The following TIMELESS variants were observed in gnomAD, a reference collection of about 807,000 sequenced individuals.
The protein encoded by TIMELESS is protein timeless homolog.
A neutral mutation model predicts 164.3 loss-of-function variants in TIMELESS; 124 were observed. The ratio of observed to expected loss-of-function variants is 0.75; its 90% CI spans 0.65 to 0.88. TIMELESS has a LOEUF of 0.88. Among genes scored for constraint, TIMELESS ranks in the 40% least tolerant of loss-of-function variants. TIMELESS has a pLI of 0.00. For synonymous variants in TIMELESS, 564 were observed against 563.4 expected (o/e 1.00, Z -0.02); for missense variants, 1,422 against 1,491.4 (o/e 0.95, Z 0.77).
chr12:56,419,506 G>A (rs1881384843), intron 26 of TIMELESS, among the ~76,000 whole-genome samples: 2 of 150,226 alleles, frequency 1.3e-5, no homozygotes, highest in Admixed American at 6.6e-5. Context: ...GTGCACGGTT[G>A]CAGCCTTCCA....
At position 56,421,730 on chromosome 12, in the gene TIMELESS, C is replaced by G. The variant is rs2136133243; in HGVS notation, c.2722G>C (p.Asp908His). 11 of 1,614,132 alleles carry G rather than the reference C, an allele frequency of 6.8e-6. No individual in the cohort carries two copies. The highest frequency in any genetic ancestry group is 9.3e-6 in the Non-Finnish European group (11 of 1,179,992). ...QRLFEEFRDS[D>H]DVLGHIMKNI... ...CCTGAGTTTCCAGCTTACTCACCATCTGAGTCCCGGAATTCCTCAAAAAGC... is the reference window on the plus strand; with the variant it reads ...CCTGAGTTTCCAGCTTACTCACCATGTGAGTCCCGGAATTCCTCAAAAAGC... The change falls in exon 22 of 29, where the codon GAT becomes CAT. Residue 908 changes from aspartate (D) to histidine (H), a missense_variant. Transcript: ENST00000553532.
chr12:56,420,929 C>T, intron 24 of TIMELESS, 34 bp downstream of exon 24: 2 of 1,614,092 alleles, frequency 1.2e-6, no homozygotes, highest in South Asian at 2.2e-5. Flanking sequence ...CCAAGCCCTC[C>T]ACCTGAGACA....
intron 13 of TIMELESS, among the ~76,000 whole-genome samples, chr12:56,426,191 T>C (rs1451428413): frequency 6.6e-6 from 1 of 152,186 alleles, no homozygotes; most frequent in Non-Finnish European, 1.5e-5. Context: ...CATGAAAACG[T>C]CAGCACAGTG....
chr12:56,440,612 T>C (rs1315289961), intron 1 of TIMELESS, among the ~76,000 whole-genome samples: 1 of 152,162 alleles, frequency 6.6e-6, no homozygotes. Flanking sequence ...ACTAAATCTC[T>C]TTCCTTATCA....
chr12:56,423,835 A>AGAAATGTT lies in TIMELESS; in HGVS notation c.1927_1928insAACATTTC (p.Ile643LysfsTer7). On this transcript the variant is annotated frameshift_variant, in exon 16 of 29. Transcript: ENST00000553532. LOFTEE classifies it high-confidence loss of function. The stretch of plus-strand genomic sequence containing the variant: ...AGAGAGGATTTGTTTCAGCAACTGG[A>AGAAATGTT]TCTCTTCCTCTGGAGAAATGTCTTG... 6.2e-7 allele frequency: 1 copy of AGAAATGTT among 1,614,146 alleles called. No homozygotes were observed. The highest frequency in any genetic ancestry group is 8.5e-7 in the Non-Finnish European group (1 of 1,180,024).
intron 23 of TIMELESS, 24 bp from the exon 24 acceptor site, chr12:56,421,158 G>A (rs879149828): frequency 1.2e-6 from 2 of 1,613,072 alleles, no homozygotes; most frequent in Non-Finnish European, 1.7e-6. Context: ...GGGGTTGGGG[G>A]AATGAAAATG....
At chr12:56,436,552 G>A (rs1335283156) in intron 1 of TIMELESS, among the ~76,000 whole-genome samples, 2 of 152,170 alleles carry the variant, frequency 1.3e-5, no homozygotes. Flanking sequence ...GCTAACCATC[G>A]TGTGATTGAT....
At chr12:56,435,033 G>GT (rs1178023501) in intron 1 of TIMELESS, among the ~76,000 whole-genome samples, 2 of 152,010 alleles carry the variant, frequency 1.3e-5, no homozygotes, top group East Asian at 3.9e-4. Flanking sequence ...CAGAGTCTCT[G>GT]GAAAAAATAA....
intron 1 of TIMELESS, among the ~76,000 whole-genome samples, chr12:56,437,731 G>A (rs943905543): frequency 6.6e-6 from 1 of 152,112 alleles, no homozygotes; most frequent in African/African-American, 2.4e-5. Context: ...CCAGCAAGGG[G>A]CAGCTCTTCA....
chr12:56,421,443 G>A lies in TIMELESS; in HGVS notation c.2776C>T (p.Arg926Ter), dbSNP rs756089942. ...AGAGCCAAGAGTTTATCCACTATTC[G>A]GGCCCGTGAGCGTTTGGCTGTGATA... is the stretch of plus-strand genomic sequence containing the variant. ...KNITAKRSRA[R>*]IVDKLLALGL... The change falls in exon 23 of 29, where the codon CGA becomes TGA. Residue 926 changes from arginine to a stop codon, truncating the protein, a stop_gained. Transcript: ENST00000553532. LOFTEE classifies it high-confidence loss of function. 1.1e-5 allele frequency: 17 copies of A among 1,613,900 alleles called. No individual in the cohort carries two copies. The highest frequency in any genetic ancestry group is 6.6e-5 in the South Asian group (6 of 91,070).
chr12:56,418,465 GT>G (rs1002668540), intron 26 of TIMELESS, 106 bp from the exon 27 acceptor site: 50 of 763,474 alleles, frequency 6.5e-5, no homozygotes, highest in Non-Finnish European at 2.8e-5. Flanking sequence ...ATCCACAAGG[GT>G]TGTGAACTCT....
Position 56,418,286 on chromosome 12 carries a change from G to A in TIMELESS, c.3302C>T (p.Pro1101Leu), listed in dbSNP as rs762210742. 1.4e-5 allele frequency: 22 copies of A among 1,614,134 alleles called. No homozygotes were observed. Among genetic ancestry groups the A allele is most frequent in the Non-Finnish European group, 5.9e-6 (7 of 1,180,014 alleles). Residue 1101 changes from proline to leucine, a missense_variant, in exon 27 of 29, where the codon CCA becomes CTA. Pro to Leu is a moderately conservative substitution (Grantham distance 98, BLOSUM62 -3). Coordinates refer to ENST00000553532, the MANE Select transcript of TIMELESS (RefSeq NM_003920.5). ...TGGCTGCAGCTTCTGTTCCTCCTCT[G>A]GTTGACTCAAAGAAGCTGCTGCCCT... The part of the protein sequence containing the change: ...LRRAAASLSQ[P>L]EEEQKLQPEL...
intron 13 of TIMELESS, among the ~76,000 whole-genome samples, chr12:56,425,942 C>T (rs1358149991): frequency 1.3e-5 from 2 of 151,794 alleles, no homozygotes; most frequent in Non-Finnish European, 2.9e-5. Flanking sequence ...TACCCAAATC[C>T]TGCTTCTCCC....
At chr12:56,433,159 C>G in intron 5 of TIMELESS, 32 bp from the exon 6 acceptor site, 1 of 1,601,836 alleles carries the variant, frequency 6.2e-7, no homozygotes, top group African/African-American at 1.3e-5. Flanking sequence ...GAAGAGACTC[C>G]CTGTGGAAGG....
At chr12:56,431,354 CA>C (rs11366728) in intron 8 of TIMELESS, 116 bp downstream of exon 8, 144,306 of 808,396 alleles carry the variant, frequency 0.18, 1,090 homozygotes, top group African/African-American at 0.3. Context: ...AATTCTGTCT[CA>C]AAAAAAAAAA....
In TIMELESS at chr12:56,426,448, G is replaced by A. The variant is rs771100738; in HGVS notation, c.1579-1296C>T. Among the ~76,000 whole-genome samples the A allele has an allele frequency of 8.2e-5, 12 of 147,084 alleles. 1 individual carries two copies. In the Middle Eastern group the frequency reaches 0.022, roughly 265 times the overall value. On this transcript the variant is annotated intron_variant, in intron 13 of 28. Coordinates refer to ENST00000553532, the MANE Select transcript of TIMELESS (RefSeq NM_003920.5). ...GTTGCCCAGGCTGGAGTGCAATGGC[G>A]TGATCTCGGCTCACTGCAACCTCTG...
At chr12:56,447,209 T>TA (rs1491413000) in intron 1 of TIMELESS, among the ~76,000 whole-genome samples, 28 of 79,336 alleles carry the variant, frequency 3.5e-4, no homozygotes, top group African/African-American at 1.2e-3. Flanking sequence ...TTTTTTTTTT[T>TA]AGTAGAGATA....
At chr12:56,430,666 CTTTAA>C (rs1051678057) in intron 9 of TIMELESS, among the ~76,000 whole-genome samples, 1 of 152,052 alleles carries the variant, frequency 6.6e-6, no homozygotes, top group South Asian at 2.1e-4. Context: ...TGTACCCAAC[CTTTAA>C]TTTAATTTTT....
At chr12:56,439,016 A>T (rs1197617843) in intron 1 of TIMELESS, among the ~76,000 whole-genome samples, 2 of 151,440 alleles carry the variant, frequency 1.3e-5, no homozygotes, top group African/African-American at 4.8e-5. Flanking sequence ...ATACAAAAAA[A>T]TTAGCTGGGC....
Sources: allele counts gnomAD v4.1 joint callset (sites outside exome capture counted in the v4.1 genomes callset), GRCh38; gene constraint gnomAD v4.1.1; transcripts MANE v1.5; gene names NCBI Gene and HGNC (gene_info 2026-07-23, HGNC 2026-07-21).